The following TRPC6 variants were observed in gnomAD, a reference collection of about 807,000 sequenced individuals.
The protein encoded by TRPC6 is short transient receptor potential channel 6.
TRPC6 carries 55 observed loss-of-function variants against 90.7 expected under a neutral mutation model. That is an observed-to-expected ratio of 0.61 (90% CI 0.49 to 0.76). The LOEUF (loss-of-function observed/expected upper bound fraction) is 0.76. Among genes scored for constraint, TRPC6 ranks in the 30% least tolerant of loss-of-function variants. TRPC6 has a pLI of 0.00. For synonymous variants in TRPC6, 393 were observed against 393.0 expected (o/e 1.00, Z 0.00); for missense variants, 989 against 1,122.7 (o/e 0.88, Z 1.70).
At chr11:101,511,102 C>T (rs958875995) in intron 1 of TRPC6, among the ~76,000 whole-genome samples, 4 of 152,120 alleles carry the variant, frequency 2.6e-5, no homozygotes, top group African/African-American at 9.7e-5. Context: ...TTATTACATG[C>T]ACAATTATCA....
intron 10 of TRPC6, among the ~76,000 whole-genome samples, chr11:101,461,623 A>G (rs2136650502): frequency 6.6e-6 from 1 of 152,336 alleles, no homozygotes; most frequent in African/African-American, 2.4e-5. Flanking sequence ...TTTTGGAGGT[A>G]AGCTATTTCA....
chr11:101,493,494 C>T (rs10895118), intron 2 of TRPC6, among the ~76,000 whole-genome samples: 62,652 of 151,916 alleles, frequency 0.41, 13,638 homozygotes, highest in African/African-American at 0.56. Context: ...GCACCAAAAT[C>T]GAGCTTTAAA....
At chr11:101,559,340 C>T (rs1861659689) in intron 1 of TRPC6, among the ~76,000 whole-genome samples, 3 of 152,240 alleles carry the variant, frequency 2.0e-5, no homozygotes, top group South Asian at 2.1e-4. Context: ...CATAACAATA[C>T]TTTATACCCC....
intron 1 of TRPC6, among the ~76,000 whole-genome samples, chr11:101,546,605 C>A (rs940348783): frequency 6.6e-6 from 1 of 152,158 alleles, no homozygotes; most frequent in African/African-American, 2.4e-5. Context: ...TTTTCATGTA[C>A]AAGGTGGGAA....
intron 1 of TRPC6, among the ~76,000 whole-genome samples, chr11:101,544,056 A>C (rs1178549418): frequency 1.3e-5 from 2 of 152,204 alleles, no homozygotes; most frequent in African/African-American, 4.8e-5. Context: ...AACCCCATCA[A>C]AAAGTGGGCA....
At position 101,583,449 on chromosome 11, in the gene TRPC6, C is replaced by T. The variant is rs1192568508; in HGVS notation, c.55G>A (p.Ala19Thr). ...TCGTTGCGCCGCGCAGCGGCTCCGG[C>T]AGCGCCCCGGGGAGAACTGCCCCTC... ...PRRGSSPRGAAGAAARRNESQ... is the reference protein window; with the variant it reads ...PRRGSSPRGATGAAARRNESQ... The change falls in exon 1 of 13, where the codon GCC becomes ACC. Residue 19 changes from alanine to threonine, a missense_variant. By Grantham distance (58) the Ala-to-Thr change is moderately conservative (BLOSUM62 0). This residue lies in a region of TRPC6 where 194 missense variants were observed against 136.5 expected (regional missense o/e 1.42). Transcript: ENST00000344327. 6.5e-7 allele frequency: 1 copy of T among 1,539,724 alleles called. No individual in the cohort carries two copies. The highest frequency in any genetic ancestry group is 1.2e-5 in the South Asian group (1 of 83,400).
chr11:101,511,942 G>A (rs1423564627), intron 1 of TRPC6, among the ~76,000 whole-genome samples: 2 of 152,164 alleles, frequency 1.3e-5, no homozygotes, highest in African/African-American at 4.8e-5. Context: ...GCAGTGAGCC[G>A]AGATCACGCC....
In TRPC6 at chr11:101,483,106, G is replaced by A; in HGVS notation, c.1353C>T (p.Thr451=). The change falls in exon 5 of 13, where the codon ACC becomes ACT. Residue 451 remains threonine (T), a synonymous_variant. Coordinates refer to ENST00000344327, the MANE Select transcript of TRPC6 (RefSeq NM_004621.6). The part of the protein sequence containing the change: ...MKFVAHAASF[T]IFLGLLVMNA... ...TCATGACTAGCAGTCCCAGAAAAATGGTGAAGGAGGCTGCGTGTGCTACAA... is the reference window on the plus strand; with the variant it reads ...TCATGACTAGCAGTCCCAGAAAAATAGTGAAGGAGGCTGCGTGTGCTACAA... The A allele has an allele frequency of 6.2e-7, 1 of 1,614,006 alleles. No individual in the cohort carries two copies. Among genetic ancestry groups the A allele is most frequent in the Non-Finnish European group, 8.5e-7 (1 of 1,179,956 alleles).
chr11:101,527,762 G>A (rs1261060355), intron 1 of TRPC6, among the ~76,000 whole-genome samples: 2 of 151,914 alleles, frequency 1.3e-5, no homozygotes, highest in Non-Finnish European at 2.9e-5. Flanking sequence ...ACATTTTCTG[G>A]AATGTGATGG....
At chr11:101,511,448 T>C (rs748225206) in intron 1 of TRPC6, among the ~76,000 whole-genome samples, 33 of 152,272 alleles carry the variant, frequency 2.2e-4, no homozygotes, top group Non-Finnish European at 4.0e-4. Flanking sequence ...GTTAAAGGAA[T>C]AAAGTTTAGA....
intron 10 of TRPC6, among the ~76,000 whole-genome samples, chr11:101,458,207 AAAATC>A (rs1323719319): frequency 2.6e-5 from 4 of 152,198 alleles, no homozygotes; most frequent in Non-Finnish European, 2.9e-5. Flanking sequence ...ATAAAGGTGA[AAAATC>A]ATGAAGTTGA....
At chr11:101,475,851 TAC>T (rs757348307) in intron 6 of TRPC6, among the ~76,000 whole-genome samples, 26 of 129,876 alleles carry the variant, frequency 2.0e-4, no homozygotes, top group Non-Finnish European at 3.0e-4. Flanking sequence ...CACATATATA[TAC>T]ACACACACAC....
chr11:101,495,317 A>G (rs1412280300), intron 2 of TRPC6, among the ~76,000 whole-genome samples: 2 of 152,192 alleles, frequency 1.3e-5, no homozygotes, highest in African/African-American at 2.4e-5. Context: ...CTTTCTATAT[A>G]AAGAATGAAG....
chr11:101,472,765 A>G (rs986664025), intron 7 of TRPC6, among the ~76,000 whole-genome samples: 1 of 152,152 alleles, frequency 6.6e-6, no homozygotes, highest in African/African-American at 2.4e-5. Flanking sequence ...AAAATCACTG[A>G]CATGTCTTAG....
At chr11:101,556,886 T>C (rs778453522) in intron 1 of TRPC6, among the ~76,000 whole-genome samples, 2 of 152,164 alleles carry the variant, frequency 1.3e-5, no homozygotes, top group African/African-American at 4.8e-5. Context: ...ATTCCTGAGA[T>C]GCAAGGATGG....
chr11:101,508,637 T>C (rs934024656), intron 1 of TRPC6, among the ~76,000 whole-genome samples: 4 of 152,226 alleles, frequency 2.6e-5, no homozygotes, highest in Admixed American at 6.5e-5. Context: ...CAAGAGGAAG[T>C]TCAAAGATTA....
intron 1 of TRPC6, among the ~76,000 whole-genome samples, chr11:101,562,006 C>T (rs1176863968): frequency 6.6e-6 from 1 of 151,978 alleles, no homozygotes; most frequent in Non-Finnish European, 1.5e-5. Context: ...CTCACAAATG[C>T]CTAAGATATA....
intron 1 of TRPC6, among the ~76,000 whole-genome samples, chr11:101,526,293 C>T (rs762824637): frequency 2.6e-5 from 4 of 152,010 alleles, no homozygotes; most frequent in Non-Finnish European, 4.4e-5. Flanking sequence ...CTCTCAGTGT[C>T]GATATCCATG....
At chr11:101,514,941 T>C (rs1017925016) in intron 1 of TRPC6, among the ~76,000 whole-genome samples, 1 of 152,132 alleles carries the variant, frequency 6.6e-6, no homozygotes, top group East Asian at 1.9e-4. Flanking sequence ...AAGAAAGACA[T>C]GCTGAGTTGG....
Sources: allele counts gnomAD v4.1 joint callset (sites outside exome capture counted in the v4.1 genomes callset), GRCh38; gene constraint gnomAD v4.1.1; regional missense constraint gnomAD v4.1.1; transcripts MANE v1.5; gene names NCBI Gene and HGNC (gene_info 2026-07-23, HGNC 2026-07-21).